Variants in FHIT observed in about 807,000 individuals in gnomAD.
The protein encoded by FHIT is fragile histidine triad diadenosine triphosphatase, also known as bis(5'-adenosyl)-triphosphatase.
FHIT carries 19 observed loss-of-function variants against 17.9 expected under a neutral mutation model. That is an observed-to-expected ratio of 1.06 (90% confidence interval 0.74 to 1.56). The LOEUF (loss-of-function observed/expected upper bound fraction) is 1.56. FHIT is among the 40% of genes most tolerant of loss of function. FHIT has a pLI of 0.00. For missense variants in FHIT, 248 were observed against 189.2 expected, an observed-to-expected ratio of 1.31 and a Z score of -1.82; for synonymous variants, 81 against 69.7, an observed-to-expected ratio of 1.16 and a Z score of -0.81.
chr3:59,806,265 G>T lies in FHIT; in HGVS notation c.349-53944C>A, dbSNP rs1700192590. Among the ~76,000 whole-genome samples the T allele has an allele frequency of 5.3e-5, 8 of 152,180 alleles. No individual in the cohort carries two copies. In the South Asian group the frequency reaches 1.7e-3, roughly 32 times the overall value. ...ACATTACATGTGTTATGTGGCAAGA[G>T]GGGTAAATGGTAGAGTTAATTTTTA... On this transcript the variant is annotated intron_variant, in intron 8 of 9. Coordinates refer to ENST00000492590, the MANE Select transcript of FHIT (RefSeq NM_002012.4).
chr3:60,161,606 G>T (rs1700943920), intron 5 of FHIT, among the ~76,000 whole-genome samples: 1 of 152,066 alleles, frequency 6.6e-6, no homozygotes, highest in South Asian at 2.1e-4. Flanking sequence ...GGGATAGGAC[G>T]CTTGCCAGGA....
At chr3:59,924,484 G>T (rs780808690) in intron 7 of FHIT, among the ~76,000 whole-genome samples, 1 of 152,110 alleles carries the variant, frequency 6.6e-6, no homozygotes, top group Non-Finnish European at 1.5e-5. Flanking sequence ...TATCTATATG[G>T]GGATTATAAT....
chr3:60,403,576 G>T (rs1291857576), intron 5 of FHIT, among the ~76,000 whole-genome samples: 1 of 152,062 alleles, frequency 6.6e-6, no homozygotes, highest in Non-Finnish European at 1.5e-5. Flanking sequence ...TGGCCATGAA[G>T]AAACTATCTG....
At chr3:60,871,648 T>C (rs1459003681) in intron 3 of FHIT, among the ~76,000 whole-genome samples, 1 of 152,142 alleles carries the variant, frequency 6.6e-6, no homozygotes, top group Non-Finnish European at 1.5e-5. Flanking sequence ...GTTTATTTTT[T>C]TCTGAAATGG....
At chr3:60,197,681 G>C (rs760002270) in intron 5 of FHIT, among the ~76,000 whole-genome samples, 9 of 152,146 alleles carry the variant, frequency 5.9e-5, no homozygotes, top group South Asian at 2.1e-4. Context: ...GTTGTTCAAT[G>C]TAGTGGTAGA....
At chr3:60,358,317 T>C (rs1699758916) in intron 5 of FHIT, among the ~76,000 whole-genome samples, 1 of 152,214 alleles carries the variant, frequency 6.6e-6, no homozygotes, top group South Asian at 2.1e-4. Flanking sequence ...TGTATTTGGC[T>C]GAGAAGTTTC....
chr3:60,860,364 A>ATAT (rs1553751327), intron 3 of FHIT, among the ~76,000 whole-genome samples: 1 of 145,716 alleles, frequency 6.9e-6, no homozygotes, highest in African/African-American at 2.7e-5. Flanking sequence ...TACATGACAT[A>ATAT]CATCATATGT....
At chr3:60,715,838 GAA>G (rs1356642097) in intron 4 of FHIT, among the ~76,000 whole-genome samples, 3 of 152,182 alleles carry the variant, frequency 2.0e-5, no homozygotes, top group East Asian at 3.9e-4. Flanking sequence ...TAGTGAAAAA[GAA>G]AAAGAGCAAC....
chr3:60,582,541 C>T (rs1455471338), intron 4 of FHIT, among the ~76,000 whole-genome samples: 1 of 151,996 alleles, frequency 6.6e-6, no homozygotes, highest in Admixed American at 6.6e-5. Context: ...TCTTAACAGA[C>T]CAAAGTTTAA....
At chr3:60,048,530 T>A (rs1701746699) in intron 5 of FHIT, among the ~76,000 whole-genome samples, 1 of 152,188 alleles carries the variant, frequency 6.6e-6, no homozygotes, top group Non-Finnish European at 1.5e-5. Context: ...TCTGAGGTAC[T>A]GTGGGTTAGG....
chr3:60,659,692 T>C (rs1398611625), intron 4 of FHIT, among the ~76,000 whole-genome samples: 1 of 152,182 alleles, frequency 6.6e-6, no homozygotes, highest in African/African-American at 2.4e-5. Context: ...TTTTTCCATA[T>C]CTTTTAGTTT....
chr3:60,010,409 C>T (rs1473750173), intron 7 of FHIT, among the ~76,000 whole-genome samples: 3 of 152,104 alleles, frequency 2.0e-5, no homozygotes, highest in Admixed American at 2.0e-4. Context: ...GAAGTATTTC[C>T]CAGAGATTGT....
chr3:60,982,582 T>C (rs956326337), intron 3 of FHIT, among the ~76,000 whole-genome samples: 4 of 152,210 alleles, frequency 2.6e-5, no homozygotes, highest in African/African-American at 9.6e-5. Flanking sequence ...CAGAATGCTC[T>C]CCCTCCTCCC....
chr3:61,055,010 C>T (rs1575926809), intron 2 of FHIT, among the ~76,000 whole-genome samples: 1 of 152,314 alleles, frequency 6.6e-6, no homozygotes, highest in South Asian at 2.1e-4. Context: ...TGCTTTGGAA[C>T]AGGGCACATT....
At chr3:60,017,133 T>C (rs965057470) in intron 5 of FHIT, among the ~76,000 whole-genome samples, 2 of 152,214 alleles carry the variant, frequency 1.3e-5, no homozygotes, top group Non-Finnish European at 2.9e-5. Flanking sequence ...TAGCCTCTTA[T>C]TAAAACTGTG....
At chr3:60,963,408 GT>G (rs1436483432) in intron 3 of FHIT, among the ~76,000 whole-genome samples, 51 of 151,266 alleles carry the variant, frequency 3.4e-4, no homozygotes, top group African/African-American at 1.2e-3. Context: ...TTTTTGAAGG[GT>G]TTTTTGTGTC....
At chr3:59,979,524 A>G (rs1708557823) in intron 7 of FHIT, among the ~76,000 whole-genome samples, 2 of 152,272 alleles carry the variant, frequency 1.3e-5, no homozygotes, top group African/African-American at 4.8e-5. Flanking sequence ...AATTTTAGAG[A>G]ATCCCTTGGG....
chr3:59,760,786 G>C (rs1435749277), intron 8 of FHIT, among the ~76,000 whole-genome samples: 4 of 151,806 alleles, frequency 2.6e-5, no homozygotes, highest in Non-Finnish European at 5.9e-5. Flanking sequence ...CTGCCTCCTG[G>C]ATCTGCAACA....
Position 59,998,931 on chromosome 3 carries a change from T to A in FHIT, c.279+12440A>T, listed in dbSNP as rs796610083. On this transcript the variant is annotated intron_variant, in intron 7 of 9. Transcript: ENST00000492590. ...CTCTATCTCAGCCCTGGTTGTCACA[T>A]TCCTAAAACACAACTTGCCTCCCTC... is the stretch of plus-strand genomic sequence containing the variant. Among the ~76,000 whole-genome samples, 48 of 152,166 alleles carry A rather than the reference T, an allele frequency of 3.2e-4. 1 individual carries two copies. Among genetic ancestry groups the A allele is most frequent in the South Asian group, 2.1e-3 (10 of 4,832 alleles).
Sources: allele counts gnomAD v4.1 joint callset (sites outside exome capture counted in the v4.1 genomes callset), GRCh38; gene constraint gnomAD v4.1.1; transcripts MANE v1.5; gene names NCBI Gene and HGNC (gene_info 2026-07-23, HGNC 2026-07-21).